Variants in MATN2 observed in about 807,000 individuals in gnomAD.
MATN2 encodes the protein matrilin-2.
A neutral mutation model predicts 103.2 loss-of-function variants in MATN2; 69 were observed. The ratio of observed to expected loss-of-function variants is 0.67; its 90% confidence interval spans 0.55 to 0.82. The LOEUF is 0.82. Among genes scored for constraint, MATN2 ranks in the 40% least tolerant of loss-of-function variants. The pLI, the probability that MATN2 is intolerant of heterozygous loss-of-function variation, is 0.00. For missense variants in MATN2, 1,023 were observed against 1,211.5 expected (o/e 0.84, Z 2.31); for synonymous variants, 429 against 450.2 (o/e 0.95, Z 0.60).
At chr8:98,001,096 A>T (rs1311825139) in intron 7 of MATN2, among the ~76,000 whole-genome samples, 1 of 152,202 alleles carries the variant, frequency 6.6e-6, no homozygotes, top group East Asian at 1.9e-4. Flanking sequence ...GGTAAAAATA[A>T]AATCTAGTCA....
intron 13 of MATN2, 73 bp from the exon 14 acceptor site, chr8:98,027,343 C>A: frequency 7.5e-7 from 1 of 1,337,342 alleles, no homozygotes; most frequent in Non-Finnish European, 1.0e-6. Flanking sequence ...CCAATTGAAG[C>A]ATCATTTTAT....
chr8:97,888,215 C>G lies in MATN2; in HGVS notation c.115C>G (p.Arg39Gly). The change falls in exon 2 of 19, where the codon CGG becomes GGG. Residue 39 changes from arginine (R) to glycine (G), a missense_variant. Physicochemically the swap from Arg to Gly is moderately radical, Grantham distance 125. Transcript: ENST00000254898. ...GTCCATCTCTAGGGGCAGACACGCT[C>G]GGACCCACCCGCAGACGGCCCTTCT... is the stretch of plus-strand genomic sequence containing the variant. ...GRSISRGRHA[R>G]THPQTALLES... is the part of the protein sequence containing the mutation. The G allele has an allele frequency of 6.3e-7, 1 of 1,580,746 alleles. No homozygotes were observed.
At chr8:98,011,781 T>C (rs1330679628) in intron 10 of MATN2, among the ~76,000 whole-genome samples, 1 of 152,204 alleles carries the variant, frequency 6.6e-6, no homozygotes, top group Non-Finnish European at 1.5e-5. Context: ...GCAGGATTGC[T>C]GTCTGTCATC....
chr8:98,022,543 T>C (rs573049864), intron 13 of MATN2, among the ~76,000 whole-genome samples: 3 of 152,122 alleles, frequency 2.0e-5, no homozygotes, highest in Non-Finnish European at 2.9e-5. Flanking sequence ...TGGGGATCTT[T>C]GTAGAAAAAA....
chr8:98,024,505 A>AAACAACAACAAC (rs35489233), intron 13 of MATN2, among the ~76,000 whole-genome samples: 3 of 151,654 alleles, frequency 2.0e-5, no homozygotes, highest in Admixed American at 6.6e-5. Flanking sequence ...ATGCCATCTC[A>AAACAACAACAAC]AACAACAACA....
Position 98,027,345 on chromosome 8 carries a change from T to C in MATN2, c.1943-71T>C, listed in dbSNP as rs146136165. 76 of 1,371,056 alleles carry C rather than the reference T, an allele frequency of 5.5e-5. No individual in the cohort carries two copies. In the African/African-American group the frequency reaches 9.3e-4, roughly 17 times the overall value. The allele number at this position is 1,371,056 out of a possible 1,614,324, so 84.9% of individuals were successfully genotyped here. A position where few individuals can be genotyped will look rare whatever the true frequency, so the allele number is the denominator to read the frequency against. ...AGTGGTTATGCCTCCAATTGAAGCATCATTTTATTCTACTCTTGTGCATAA... is the reference window on the plus strand; with the variant it reads ...AGTGGTTATGCCTCCAATTGAAGCACCATTTTATTCTACTCTTGTGCATAA... On this transcript the variant is annotated intron_variant, in intron 13 of 18. Coordinates refer to ENST00000254898, the MANE Select transcript of MATN2 (RefSeq NM_002380.5).
chr8:97,875,083 T>C (rs1043143085), intron 1 of MATN2, among the ~76,000 whole-genome samples: 3 of 152,114 alleles, frequency 2.0e-5, no homozygotes, highest in Non-Finnish European at 4.4e-5. Context: ...TCATCTCCCC[T>C]TTTTTAAGGT....
At chr8:97,988,171 A>ATATATAT (rs1554611753) in intron 6 of MATN2, among the ~76,000 whole-genome samples, 47 of 46,078 alleles carry the variant, frequency 1.0e-3, no homozygotes, top group African/African-American at 5.6e-3. Context: ...AAAAAAAAAA[A>ATATATAT]ATATATATAT....
chr8:97,963,625 G>A (rs898072585), intron 5 of MATN2, among the ~76,000 whole-genome samples: 3 of 152,152 alleles, frequency 2.0e-5, no homozygotes, highest in Non-Finnish European at 4.4e-5. Flanking sequence ...GCTGTTTATC[G>A]GAGATGGGCG....
chr8:97,981,247 TG>T (rs975898268), intron 6 of MATN2, among the ~76,000 whole-genome samples: 6 of 151,938 alleles, frequency 3.9e-5, no homozygotes, highest in African/African-American at 1.2e-4. Context: ...ATTATCATTA[TG>T]TTTTTTTAGA....
At chr8:97,935,515 G>A (rs1340187901) in intron 3 of MATN2, among the ~76,000 whole-genome samples, 1 of 151,982 alleles carries the variant, frequency 6.6e-6, no homozygotes, top group Non-Finnish European at 1.5e-5. Flanking sequence ...GTTTTTATTT[G>A]TTTGTTTTAT....
intron 10 of MATN2, among the ~76,000 whole-genome samples, chr8:98,008,691 G>A (rs1269112644): frequency 6.6e-6 from 1 of 152,178 alleles, no homozygotes; most frequent in South Asian, 2.1e-4. Flanking sequence ...TCGGGCACAG[G>A]GGGTGCAGAA....
At chr8:97,938,710 T>C (rs1304865380) in intron 3 of MATN2, among the ~76,000 whole-genome samples, 1 of 152,240 alleles carries the variant, frequency 6.6e-6, no homozygotes. Context: ...AATTATGTTT[T>C]ATAAAGTCAC....
At chr8:97,962,918 T>G (rs1310811961) in intron 5 of MATN2, among the ~76,000 whole-genome samples, 1 of 152,208 alleles carries the variant, frequency 6.6e-6, no homozygotes, top group Non-Finnish European at 1.5e-5. Context: ...GCAGATCACT[T>G]GAGGTCAGGA....
At chr8:98,020,142 T>G (rs111230379) in intron 12 of MATN2, among the ~76,000 whole-genome samples, 8,493 of 151,824 alleles carry the variant, frequency 0.056, 760 homozygotes, top group African/African-American at 0.19. Flanking sequence ...TTCATGCTTT[T>G]CTTTTTGTTT....
chr8:97,908,031 C>T (rs1295904033), intron 2 of MATN2, among the ~76,000 whole-genome samples: 5 of 152,018 alleles, frequency 3.3e-5, no homozygotes, highest in South Asian at 4.2e-4. Context: ...CCCAGCTACT[C>T]GGGAGGTGCC....
chr8:97,964,041 G>T (rs1392142373), intron 5 of MATN2, among the ~76,000 whole-genome samples: 1 of 152,170 alleles, frequency 6.6e-6, no homozygotes, highest in African/African-American at 2.4e-5. Flanking sequence ...GGAAGGAAGG[G>T]TGGCAATTGG....
intron 5 of MATN2, among the ~76,000 whole-genome samples, chr8:97,965,353 G>A (rs1275026935): frequency 6.6e-6 from 1 of 152,142 alleles, no homozygotes; most frequent in Non-Finnish European, 1.5e-5. Flanking sequence ...AACCTCATGG[G>A]GAACTGCAGG....
At chr8:97,951,556 G>T (rs1810952752) in intron 4 of MATN2, among the ~76,000 whole-genome samples, 1 of 152,156 alleles carries the variant, frequency 6.6e-6, no homozygotes, top group African/African-American at 2.4e-5. Context: ...AGGAATGTGG[G>T]TTTTCCCAAG....
Sources: gnomAD v4.1 joint callset for allele counts (sites outside exome capture counted in the v4.1 genomes callset) on GRCh38, gnomAD v4.1.1 for gene constraint, MANE v1.5 for transcripts, NCBI Gene and HGNC (gene_info 2026-07-23, HGNC 2026-07-21) for gene names.